Variants in RUSC1 observed in about 807,000 individuals in gnomAD.
RUSC1 encodes AP-4 complex accessory subunit RUSC1.
In RUSC1, 40 loss-of-function variants were observed where a neutral mutation model predicts 72.1. The ratio of observed to expected loss-of-function variants is 0.55; its 90% confidence interval spans 0.43 to 0.72. The LOEUF (loss-of-function observed/expected upper bound fraction) is 0.72. RUSC1 is among the 30% of genes least tolerant of loss of function. RUSC1 has a pLI of 0.00. For synonymous variants in RUSC1, 512 were observed against 494.2 expected (o/e 1.04, Z -0.48); for missense variants, 1,092 against 1,172.3 (o/e 0.93, Z 1.00).
Position 155,326,690 on chromosome 1 carries a change from A to G in RUSC1, c.1972A>G (p.Thr658Ala), listed in dbSNP as rs1570908230. 1 of 1,613,426 alleles carries G rather than the reference A, an allele frequency of 6.2e-7. No homozygotes were observed. The highest frequency in any genetic ancestry group is 8.5e-7 in the Non-Finnish European group (1 of 1,180,012). Residue 658 changes from threonine (T) to alanine (A), a missense_variant, in exon 8 of 10, where the codon ACT (threonine) becomes GCT (alanine). By Grantham distance (58) the Thr-to-Ala change is moderately conservative. Coordinates refer to ENST00000368352, the MANE Select transcript of RUSC1 (RefSeq NM_001105203.2). This position sits in a 1 kb window ranked among gnomAD's most constrained non-coding sequence, Gnocchi z 4.7. The part of the protein sequence containing the change: ...LLLLQPLSVL[T>A]FHLDLLFEHH... ...CCTGCTGCAGCCATTGTCGGTGCTC[A>G]CTTTCCACCTGGACCTGCTCTTTGA...
intron 2 of RUSC1, chr1:155,324,207 G>A: frequency 1.4e-6 from 2 of 1,414,312 alleles, no homozygotes; most frequent in Non-Finnish European, 1.8e-6. Context: ...GAGGGGTGGA[G>A]GGTGAAGCTC....
Position 155,322,803 on chromosome 1 carries a change from A to G in RUSC1, c.1030A>G (p.Ile344Val). The G allele has an allele frequency of 6.2e-7, 1 of 1,613,956 alleles. No homozygotes were observed. The highest frequency in any genetic ancestry group is 8.5e-7 in the Non-Finnish European group (1 of 1,179,970). ...GAAGAAAGATCGCAGTGACTGGCTC[A>G]TAGTCTTCTCGCCCGACACCGAGCT... ...QAKKDRSDWL[I>V]VFSPDTELPP... Residue 344 changes from isoleucine (I) to valine (V), a missense_variant, in exon 2 of 10, where the codon ATA (isoleucine) becomes GTA (valine). Coordinates refer to ENST00000368352, the MANE Select transcript of RUSC1 (RefSeq NM_001105203.2).
chr1:155,322,691 G>T lies in RUSC1; in HGVS notation c.918G>T (p.Glu306Asp). ...DGGWRSDVSE[E>D]PVPHRTITSF... ...GATGGAGAAGTGACGTCAGCGAGGA[G>T]CCGGTGCCCCACCGGACAATCACGT... Residue 306 changes from glutamate to aspartate, a missense_variant, in exon 2 of 10, where the codon GAG becomes GAT. Coordinates refer to ENST00000368352, the MANE Select transcript of RUSC1 (RefSeq NM_001105203.2). 1.9e-6 allele frequency: 3 copies of T among 1,614,262 alleles called. No homozygotes were observed. The highest frequency in any genetic ancestry group is 2.5e-6 in the Non-Finnish European group (3 of 1,180,032).
chr1:155,321,672 C>G lies in RUSC1; in HGVS notation c.-86-16C>G. Reference sequence around the variant, plus strand: ...CTTGTCCTCACTGGCCGGGCTTCACCACCTCTGTCTTCTAGGTCTGCACCT... The same window carrying G: ...CTTGTCCTCACTGGCCGGGCTTCACGACCTCTGTCTTCTAGGTCTGCACCT... On this transcript the variant is annotated splice_polypyrimidine_tract_variant and intron_variant, in intron 1 of 9. Coordinates refer to ENST00000368352, the MANE Select transcript of RUSC1 (RefSeq NM_001105203.2). 2.0e-6 allele frequency: 3 copies of G among 1,488,722 alleles called. No homozygotes were observed. Among genetic ancestry groups the G allele is most frequent in the Non-Finnish European group, 2.8e-6 (3 of 1,084,160 alleles). 92.2% of individuals were successfully genotyped at this position (1,488,722 alleles called of 1,614,324 possible). A position where few individuals can be genotyped will look rare whatever the true frequency, so the allele number is the denominator to read the frequency against.
chr1:155,327,433 T>C (rs930289897), intron 8 of RUSC1, among the ~76,000 whole-genome samples: 4 of 152,134 alleles, frequency 2.6e-5, no homozygotes, highest in Non-Finnish European at 4.4e-5. Flanking sequence ...AGTTGATGTA[T>C]AGGAAAAGAC....
intron 2 of RUSC1, chr1:155,324,267 C>G: frequency 2.0e-6 from 3 of 1,511,368 alleles, no homozygotes; most frequent in African/African-American, 1.4e-5. Flanking sequence ...CTCCGCGAGT[C>G]CAGTCCCACG....
At chr1:155,329,042 C>T (rs1025757204) in intron 9 of RUSC1, among the ~76,000 whole-genome samples, 18 of 152,186 alleles carry the variant, frequency 1.2e-4, no homozygotes, top group Middle Eastern at 3.4e-3. Context: ...AGGATTCTTT[C>T]TATAAAAAGG....
In RUSC1 at chr1:155,327,011, G is replaced by A; in HGVS notation, c.2293G>A (p.Gly765Ser). Residue 765 changes from glycine (G) to serine (S), a missense_variant, in exon 8 of 10, where the codon GGT becomes AGT. Gly to Ser is a moderately conservative substitution (Grantham distance 56, BLOSUM62 0). Coordinates refer to ENST00000368352, the MANE Select transcript of RUSC1 (RefSeq NM_001105203.2). ...GCGTCATGGGACTGCAGCTGAAGAA[G>A]GTGCACAGGAGAGACCCCTGCCCAC... is the stretch of plus-strand genomic sequence containing the variant. ...PGRHGTAAEE[G>S]AQERPLPTDE... 1 of 1,613,608 alleles carries A rather than the reference G, an allele frequency of 6.2e-7. No homozygotes were observed. The highest frequency in any genetic ancestry group is 8.5e-7 in the Non-Finnish European group (1 of 1,180,032).
At chr1:155,324,560 C>CCGCT in intron 2 of RUSC1, 1 of 1,582,012 alleles carries the variant, frequency 6.3e-7, no homozygotes, top group Non-Finnish European at 8.6e-7. Context: ...CGCGGCCATC[C>CCGCT]CGCTCCCGGA....
Position 155,322,700 on chromosome 1 carries a change from C to T in RUSC1, c.927C>T (p.Pro309=). 2 of 1,614,228 alleles carry T rather than the reference C, an allele frequency of 1.2e-6. No homozygotes were observed. Among genetic ancestry groups the T allele is most frequent in the Non-Finnish European group, 8.5e-7 (1 of 1,180,038 alleles). The change falls in exon 2 of 10, where the codon CCC becomes CCT. Residue 309 remains proline, a synonymous_variant. Transcript: ENST00000368352. ...GTGACGTCAGCGAGGAGCCGGTGCC[C>T]CACCGGACAATCACGTCCTTCCACG... ...WRSDVSEEPV[P]HRTITSFHEL...
chr1:155,324,742 G>A, intron 2 of RUSC1, 103 bp from the exon 3 acceptor site: 1 of 1,594,278 alleles, frequency 6.3e-7, no homozygotes, highest in Admixed American at 1.7e-5. Flanking sequence ...GACCCTTCGG[G>A]GACACAGCAC....
chr1:155,321,360 CT>C (rs770149296), intron 1 of RUSC1: 86 of 1,377,356 alleles, frequency 6.2e-5, no homozygotes, highest in Non-Finnish European at 7.4e-5. Context: ...AAGGGGTAGG[CT>C]GGAGGGCAGG....
chr1:155,323,299 G>A (rs1570890914), intron 2 of RUSC1, among the ~76,000 whole-genome samples, 169 bp downstream of exon 2: 1 of 152,142 alleles, frequency 6.6e-6, no homozygotes, highest in East Asian at 1.9e-4. Context: ...TTGGGTTATG[G>A]GACTAACTGT....
intron 2 of RUSC1, chr1:155,324,473 G>T (rs1287732925): frequency 1.2e-6 from 2 of 1,610,002 alleles, no homozygotes; most frequent in Non-Finnish European, 1.7e-6. Flanking sequence ...CCGGGGCGGT[G>T]CGCTGGGCTA....
intron 2 of RUSC1, chr1:155,324,314 G>A (rs1650991536): frequency 2.5e-6 from 4 of 1,575,300 alleles, no homozygotes; most frequent in Non-Finnish European, 3.4e-6. Context: ...AGAGGCTGCT[G>A]CGGGACCCGG....
Position 155,326,582 on chromosome 1 carries a change from C to A in RUSC1, c.1864C>A (p.Leu622Met). 1 of 1,605,566 alleles carries A rather than the reference C, an allele frequency of 6.2e-7. No homozygotes were observed. The highest frequency in any genetic ancestry group is 8.5e-7 in the Non-Finnish European group (1 of 1,174,414). The change falls in exon 8 of 10, where the codon CTG (leucine) becomes ATG (methionine). Residue 622 changes from leucine to methionine, a missense_variant and splice_region_variant. Transcript: ENST00000368352. This position sits in a 1 kb window ranked among gnomAD's most constrained non-coding sequence, Gnocchi z 4.7. The part of the protein sequence containing the change: ...WFSSLQEDAG[L>M]LSLLYLPTGF... Reference sequence around the variant, plus strand: ...GATGTTGGCCTGCTCTTTTCCAGGCCTGCTCTCCCTCCTGTACCTGCCAAC... The same window carrying A: ...GATGTTGGCCTGCTCTTTTCCAGGCATGCTCTCCCTCCTGTACCTGCCAAC...
At chr1:155,321,142 CCGAGGGG>C (rs1557986997) in intron 1 of RUSC1, 151 bp downstream of exon 1, 2 of 1,378,018 alleles carry the variant, frequency 1.5e-6, no homozygotes, top group Admixed American at 3.8e-5. Flanking sequence ...TACCGCTGTT[CCGAGGGG>C]CGAGGGCGCA....
rs776262680 is a variant in RUSC1 at position 155,328,204 on chromosome 1, G to A, written c.2469G>A (p.Arg823=). The change falls in exon 9 of 10, where the codon CGG becomes CGA. Residue 823 remains arginine (R), a synonymous_variant. Transcript: ENST00000368352. The part of the protein sequence containing the change: ...PTVSVLALVK[R]GAPPEMPSPQ... ...TGAGTGTGTTGGCTCTTGTGAAGCG[G>A]GGGGCACCTCCCGAGATGCCTTCTC... 1 of 1,613,546 alleles carries A rather than the reference G, an allele frequency of 6.2e-7. No homozygotes were observed.
Position 155,325,335 on chromosome 1 carries a change from G to C in RUSC1, c.1553G>C (p.Arg518Pro). The C allele has an allele frequency of 6.2e-7, 1 of 1,600,624 alleles. No individual in the cohort carries two copies. Among genetic ancestry groups the C allele is most frequent in the Non-Finnish European group, 8.5e-7 (1 of 1,177,988 alleles). ...CTCCAGGCCCAGTTGGGTGATAGCC[G>C]GCTGAGCCCGGATGTGGGGCACCTG... ...LVQKAQLGDS[R>P]LSPDVGHLVL... Residue 518 changes from arginine (R) to proline (P), a missense_variant, in exon 5 of 10, where the codon CGG (arginine) becomes CCG (proline). Physicochemically the swap from Arg to Pro is moderately radical, Grantham distance 103 (BLOSUM62 -2). Coordinates refer to ENST00000368352, the MANE Select transcript of RUSC1 (RefSeq NM_001105203.2). This position sits in a 1 kb window ranked among gnomAD's most constrained non-coding sequence, Gnocchi z 6.5.
Sources: allele counts gnomAD v4.1 joint callset (sites outside exome capture counted in the v4.1 genomes callset), GRCh38; gene constraint gnomAD v4.1.1; non-coding constraint Gnocchi (gnomAD v3.1); transcripts MANE v1.5; gene names NCBI Gene and HGNC (gene_info 2026-07-23, HGNC 2026-07-21).